Variants in GNE observed in about 807,000 individuals in gnomAD.
The protein encoded by GNE is glucosamine (UDP-N-acetyl)-2-epimerase/N-acetylmannosamine kinase.
A neutral mutation model predicts 61.8 loss-of-function variants in GNE; 41 were observed. That is an observed-to-expected ratio of 0.66 (90% CI 0.52 to 0.86). The LOEUF is 0.86. Among genes scored for constraint, GNE ranks in the 40% least tolerant of loss-of-function variants. The pLI is 0.00. For synonymous variants in GNE, 264 were observed against 326.4 expected, an observed-to-expected ratio of 0.81 and a Z score of 2.06; for missense variants, 608 against 909.1, an observed-to-expected ratio of 0.67 and a Z score of 4.26.
rs562740432 is a variant in GNE, at chr9:36,248,829, T to C, written c.164+363A>G. The stretch of plus-strand genomic sequence containing the variant: ...ATTACAGCTCACAAAACAGTTTACA[T>C]GGAATCACATTATTATACTCATACA... On this transcript the variant is annotated intron_variant, in intron 2 of 11. Transcript: ENST00000642385. Among the ~76,000 whole-genome samples, 8 of 152,324 alleles carry C rather than the reference T, an allele frequency of 5.3e-5. No homozygotes were observed. In the South Asian group the frequency reaches 1.7e-3, roughly 32 times the overall value.
intron 2 of GNE, among the ~76,000 whole-genome samples, chr9:36,247,233 T>C (rs1035115297): frequency 6.6e-6 from 1 of 151,974 alleles, no homozygotes; most frequent in Admixed American, 6.6e-5. Flanking sequence ...ATTTTTGTAT[T>C]TTTAGTAGAG....
At chr9:36,271,173 G>A (rs1034912503) in intron 1 of GNE, among the ~76,000 whole-genome samples, 20 of 151,962 alleles carry the variant, frequency 1.3e-4, no homozygotes, top group African/African-American at 4.4e-4. Context: ...TTCCCCTCCC[G>A]GATCCTTCTG....
intron 1 of GNE, among the ~76,000 whole-genome samples, chr9:36,268,579 G>A (rs1830895754): frequency 6.6e-6 from 1 of 151,822 alleles, no homozygotes; most frequent in Non-Finnish European, 1.5e-5. Flanking sequence ...GAGGTGGGAG[G>A]ATCACCTGAG....
At chr9:36,241,864 G>A (rs755070400) in intron 3 of GNE, among the ~76,000 whole-genome samples, 5 of 151,954 alleles carry the variant, frequency 3.3e-5, no homozygotes, top group South Asian at 2.1e-4. Context: ...GGCCAGGTGC[G>A]GTAGCTCATG....
In GNE at chr9:36,219,992, A is replaced by C. The variant is rs763368852; in HGVS notation, c.1662T>G (p.His554Gln). Residue 554 changes from histidine (H) to glutamine (Q), a missense_variant, in exon 10 of 12, where the codon CAT (histidine) becomes CAG (glutamine). His to Gln is a conservative substitution (Grantham distance 24). Transcript: ENST00000642385. ...AGAAGGAGCTTCCGTGGATCAATTC[A>C]TGCTGATGGATAATTCCACCACCGA... ...TGIGGGIIHQ[H>Q]ELIHGSSFCA... is the part of the protein sequence containing the mutation. 1 of 1,614,066 alleles carries C rather than the reference A, an allele frequency of 6.2e-7. No individual in the cohort carries two copies. Among genetic ancestry groups the C allele is most frequent in the Non-Finnish European group, 8.5e-7 (1 of 1,179,980 alleles).
chr9:36,275,383 T>C (rs1449856684), intron 1 of GNE, among the ~76,000 whole-genome samples: 1 of 152,142 alleles, frequency 6.6e-6, no homozygotes, highest in Non-Finnish European at 1.5e-5. Context: ...AAAATGGGCA[T>C]GAGAATAGCA....
chr9:36,252,348 G>A (rs551545338), intron 1 of GNE, among the ~76,000 whole-genome samples: 1 of 152,274 alleles, frequency 6.6e-6, no homozygotes, highest in East Asian at 1.9e-4. Flanking sequence ...AAGTGTTCTT[G>A]TATATAATCC....
intron 1 of GNE, among the ~76,000 whole-genome samples, chr9:36,252,825 G>GAGGC (rs1587354427): frequency 3.3e-5 from 2 of 60,652 alleles, no homozygotes; most frequent in Non-Finnish European, 8.6e-5. Flanking sequence ...CTTTTCCCTG[G>GAGGC]AAGCAGTTAC....
At chr9:36,260,801 G>A (rs899866868), upstream of GNE, among the ~76,000 whole-genome samples, 10 of 149,130 alleles carry the variant, frequency 6.7e-5, no homozygotes, top group African/African-American at 9.9e-5. Flanking sequence ...CCTGGGAGGC[G>A]GAGCTTGCAG....
intron 1 of GNE, among the ~76,000 whole-genome samples, chr9:36,265,860 G>A (rs1830762916): frequency 6.6e-6 from 1 of 152,246 alleles, no homozygotes; most frequent in Non-Finnish European, 1.5e-5. Flanking sequence ...TCTGACAGGA[G>A]GAGGAATGTA....
At chr9:36,235,969 G>C (rs1373685567) in intron 4 of GNE, among the ~76,000 whole-genome samples, 1 of 152,140 alleles carries the variant, frequency 6.6e-6, no homozygotes, top group Non-Finnish European at 1.5e-5. Context: ...CTCGCCTAAG[G>C]TCTCAGCAGT....
At chr9:36,224,836 C>G (rs1828789134) in intron 7 of GNE, among the ~76,000 whole-genome samples, 1 of 152,216 alleles carries the variant, frequency 6.6e-6, no homozygotes, top group South Asian at 2.1e-4. Flanking sequence ...TACCACTGCA[C>G]TCCAGTCTGG....
chr9:36,276,274 GA>G (rs1831258766), intron 1 of GNE, among the ~76,000 whole-genome samples: 1 of 152,122 alleles, frequency 6.6e-6, no homozygotes, highest in Non-Finnish European at 1.5e-5. Context: ...CTGTGATGAT[GA>G]TTTCCTAAAA....
At chr9:36,253,866 C>A (rs1297365632) in intron 1 of GNE, among the ~76,000 whole-genome samples, 1 of 151,200 alleles carries the variant, frequency 6.6e-6, no homozygotes, top group African/African-American at 2.4e-5. Context: ...GGTGAAACCC[C>A]ATCTCTACTA....
intron 7 of GNE, 121 bp from the exon 8 acceptor site, chr9:36,223,623 G>A: frequency 9.8e-7 from 1 of 1,015,824 alleles, no homozygotes; most frequent in Admixed American, 1.9e-5. Context: ...AGTCTTAGAT[G>A]ACTGCTTGGG....
intron 1 of GNE, chr9:36,276,831 T>A (rs185045598): frequency 2.4e-6 from 3 of 1,243,350 alleles, no homozygotes; most frequent in Non-Finnish European, 3.5e-6. Context: ...TTTTCCTTTT[T>A]CCCCCCTTTT....
intron 1 of GNE, among the ~76,000 whole-genome samples, chr9:36,251,000 G>C (rs1477991498): frequency 6.6e-6 from 1 of 152,106 alleles, no homozygotes; most frequent in African/African-American, 2.4e-5. Flanking sequence ...CTTTCAAAGT[G>C]ATCTTCCTTT....
intron 1 of GNE, among the ~76,000 whole-genome samples, chr9:36,266,924 CGG>C (rs1173449437): frequency 6.6e-6 from 1 of 150,888 alleles, no homozygotes; most frequent in Non-Finnish European, 1.5e-5. Context: ...AAAAATTAAC[CGG>C]GTGGTGGCCC....
intron 4 of GNE, 93 bp from the exon 5 acceptor site, chr9:36,234,225 T>TA (rs1485642913): frequency 4.1e-6 from 4 of 965,114 alleles, no homozygotes; most frequent in Non-Finnish European, 5.0e-6. Flanking sequence ...GAAATCTCCC[T>TA]AAAAAAACCT....
Sources: allele counts gnomAD v4.1 joint callset (sites outside exome capture counted in the v4.1 genomes callset), GRCh38; gene constraint gnomAD v4.1.1; transcripts MANE v1.5; gene names NCBI Gene and HGNC (gene_info 2026-07-23, HGNC 2026-07-21).